Variants in ST6GALNAC3 observed in about 807,000 individuals in gnomAD.
The protein encoded by ST6GALNAC3 is ST6 N-acetylgalactosaminide alpha-2,6-sialyltransferase 3, also known as alpha-N-acetylgalactosaminide alpha-2,6-sialyltransferase 3.
Under a neutral mutation model 32.7 loss-of-function variants are expected in ST6GALNAC3, and 25 were observed. The observed-to-expected ratio is 0.76, with a 90% CI of 0.56 to 1.07. The LOEUF is 1.07. ST6GALNAC3 is among the 50% of genes least tolerant of loss of function. ST6GALNAC3 has a pLI of 0.00. For missense variants in ST6GALNAC3, 355 were observed against 382.4 expected (o/e 0.93, Z 0.60); for synonymous variants, 129 against 133.1 (o/e 0.97, Z 0.21).
rs150571702 is a variant in ST6GALNAC3 at position 76,344,190 on chromosome 1, A to G, written c.213+30191A>G. Reference sequence around the variant, plus strand: ...CCAGGAATGGCCTTGCTGAGATTTAATCTGAGAGCTGAATGATGAGAGGGA... The same window carrying G: ...CCAGGAATGGCCTTGCTGAGATTTAGTCTGAGAGCTGAATGATGAGAGGGA... On this transcript the variant is annotated intron_variant, in intron 2 of 4. Coordinates refer to ENST00000328299, the MANE Select transcript of ST6GALNAC3 (RefSeq NM_152996.4). 6.1e-3 allele frequency among the ~76,000 whole-genome samples: 925 copies of G among 152,322 alleles called. 4 individuals carry two copies. Among genetic ancestry groups the G allele is most frequent in the African/African-American group, 0.021 (878 of 41,584 alleles).
At chr1:76,087,858 C>T (rs1411646530) in intron 1 of ST6GALNAC3, among the ~76,000 whole-genome samples, 1 of 152,182 alleles carries the variant, frequency 6.6e-6, no homozygotes, top group Non-Finnish European at 1.5e-5. Flanking sequence ...CAAACATTTT[C>T]TGGACACTTA....
At chr1:76,574,852 G>A (rs867911153) in intron 3 of ST6GALNAC3, among the ~76,000 whole-genome samples, 5 of 152,182 alleles carry the variant, frequency 3.3e-5, no homozygotes, top group African/African-American at 7.2e-5. Context: ...TCTGCCACTC[G>A]CTTGTCAGCA....
chr1:76,469,499 T>C (rs963357792), intron 3 of ST6GALNAC3, among the ~76,000 whole-genome samples: 13 of 152,256 alleles, frequency 8.5e-5, no homozygotes, highest in African/African-American at 3.1e-4. Flanking sequence ...TAAGGTAAGC[T>C]GAAACCAGAA....
chr1:76,217,632 CTG>C (rs1337053995), intron 1 of ST6GALNAC3, among the ~76,000 whole-genome samples: 1 of 152,198 alleles, frequency 6.6e-6, no homozygotes, highest in Non-Finnish European at 1.5e-5. Flanking sequence ...GCAGTGAACA[CTG>C]TACCCAATGT....
chr1:76,383,310 A>G (rs1651857484), intron 2 of ST6GALNAC3, among the ~76,000 whole-genome samples: 1 of 152,124 alleles, frequency 6.6e-6, no homozygotes, highest in Non-Finnish European at 1.5e-5. Flanking sequence ...TTGCTCTGTC[A>G]CCCAGTCTAG....
chr1:76,376,772 ATTGT>A (rs1651270324), intron 2 of ST6GALNAC3, among the ~76,000 whole-genome samples: 1 of 152,036 alleles, frequency 6.6e-6, no homozygotes, highest in African/African-American at 2.4e-5. Context: ...TTGCCATTTA[ATTGT>A]TTGTTTTCTG....
At chr1:76,239,758 A>G (rs531411941) in intron 1 of ST6GALNAC3, among the ~76,000 whole-genome samples, 8 of 152,332 alleles carry the variant, frequency 5.3e-5, no homozygotes, top group South Asian at 2.1e-4. Flanking sequence ...CATCCAAACT[A>G]TATCAGAGGA....
chr1:76,090,445 C>G (rs945702857), intron 1 of ST6GALNAC3, among the ~76,000 whole-genome samples: 15 of 152,226 alleles, frequency 9.9e-5, no homozygotes, highest in Non-Finnish European at 2.1e-4. Flanking sequence ...CTGGTCTACC[C>G]ACCTACTGCT....
chr1:76,390,255 G>A (rs1196187939), intron 2 of ST6GALNAC3, among the ~76,000 whole-genome samples: 1 of 152,062 alleles, frequency 6.6e-6, no homozygotes, highest in African/African-American at 2.4e-5. Context: ...ATAAATAAAT[G>A]TTTTGATTAC....
rs1336232802 is a variant in ST6GALNAC3 at position 76,146,102 on chromosome 1, T to C, written c.18+71218T>C. 3.3e-5 allele frequency among the ~76,000 whole-genome samples: 5 copies of C among 152,236 alleles called. No homozygotes were observed. The East Asian group carries it at 9.6e-4, about 29-fold the overall frequency. ...AAAAAAGGTGCCTGAATTATATATGTCTGCATGAGTGGACAAGACGTGCTT... is the reference window on the plus strand; with the variant it reads ...AAAAAAGGTGCCTGAATTATATATGCCTGCATGAGTGGACAAGACGTGCTT... On this transcript the variant is annotated intron_variant, in intron 1 of 4. Coordinates refer to ENST00000328299, the MANE Select transcript of ST6GALNAC3 (RefSeq NM_152996.4).
intron 3 of ST6GALNAC3, among the ~76,000 whole-genome samples, chr1:76,566,401 A>G (rs1464242495): frequency 2.6e-5 from 4 of 152,088 alleles, no homozygotes; most frequent in Admixed American, 2.6e-4. Flanking sequence ...TAACTGTTCA[A>G]TGGCTTCCCA....
chr1:76,139,148 C>T (rs531112101), intron 1 of ST6GALNAC3, among the ~76,000 whole-genome samples: 34 of 151,506 alleles, frequency 2.2e-4, no homozygotes, highest in Non-Finnish European at 4.3e-4. Context: ...GAGCCGAGAT[C>T]GCGCCACTGC....
chr1:76,093,957 A>C (rs1647086877), intron 1 of ST6GALNAC3, among the ~76,000 whole-genome samples: 2 of 152,336 alleles, frequency 1.3e-5, no homozygotes, highest in Non-Finnish European at 1.5e-5. Flanking sequence ...TGTACACTGC[A>C]TGCATTCATA....
intron 3 of ST6GALNAC3, among the ~76,000 whole-genome samples, chr1:76,538,746 A>T (rs1306899824): frequency 1.3e-5 from 2 of 152,192 alleles, no homozygotes; most frequent in Admixed American, 1.3e-4. Flanking sequence ...GTGCCAAATC[A>T]TGAATGAACT....
intron 1 of ST6GALNAC3, among the ~76,000 whole-genome samples, chr1:76,202,268 ATGTGTGTGTGTGTG>A (rs58107501): frequency 4.1e-5 from 6 of 145,434 alleles, no homozygotes; most frequent in African/African-American, 1.5e-4. Flanking sequence ...GTGTGCATGC[ATGTGTGTGTGTGTG>A]TGTGTGTGTG....
At chr1:76,408,934 A>G (rs750525942) in intron 2 of ST6GALNAC3, among the ~76,000 whole-genome samples, 2 of 152,054 alleles carry the variant, frequency 1.3e-5, no homozygotes, top group Non-Finnish European at 2.9e-5. Flanking sequence ...TCAGGCATTG[A>G]TTTGCATGAC....
chr1:76,511,996 T>C (rs1249271027), intron 3 of ST6GALNAC3, among the ~76,000 whole-genome samples: 1 of 152,184 alleles, frequency 6.6e-6, no homozygotes, highest in Non-Finnish European at 1.5e-5. Context: ...TGATACTGTG[T>C]GTCATGGCGA....
intron 1 of ST6GALNAC3, among the ~76,000 whole-genome samples, chr1:76,148,869 T>G (rs1278706797): frequency 6.6e-6 from 1 of 152,206 alleles, no homozygotes; most frequent in Non-Finnish European, 1.5e-5. Flanking sequence ...GAATGAAAAT[T>G]GTATTTATTT....
chr1:76,481,949 C>A (rs1343465608), intron 3 of ST6GALNAC3, among the ~76,000 whole-genome samples: 1 of 152,086 alleles, frequency 6.6e-6, no homozygotes, highest in Non-Finnish European at 1.5e-5. Context: ...TTTCTTCAAA[C>A]AAATCAAAGG....
Sources: gnomAD v4.1 joint callset for allele counts (sites outside exome capture counted in the v4.1 genomes callset) on GRCh38, gnomAD v4.1.1 for gene constraint, MANE v1.5 for transcripts, NCBI Gene and HGNC (gene_info 2026-07-23, HGNC 2026-07-21) for gene names.